The following LIME1 variants were observed in gnomAD, a reference collection of about 807,000 sequenced individuals.
LIME1 encodes the protein lck-interacting transmembrane adapter 1.
In LIME1, 23 loss-of-function variants were observed where a neutral mutation model predicts 18.8. That is an observed-to-expected ratio of 1.22 (90% CI 0.88 to 1.73). The LOEUF (loss-of-function observed/expected upper bound fraction) is 1.73, where lower values mean the gene tolerates loss of function less well. LIME1 is among the 40% of genes most tolerant of loss of function. The pLI is 0.00. For missense variants in LIME1, 423 were observed against 396.8 expected (o/e 1.07, Z -0.56); for synonymous variants, 177 against 182.3 (o/e 0.97, Z 0.23).
In LIME1 at chr20:63,738,505, G is replaced by A. The variant is rs748678885; in HGVS notation, c.585+6G>A. On this transcript the variant is annotated splice_donor_region_variant and intron_variant, in intron 5 of 5. Transcript: ENST00000309546. Reference sequence around the variant, plus strand: ...AGGTGACCCCGGCCGCTCAGGTAACGTGGGCCAGGGTAGGGCGCTGTGGGT... The same window carrying A: ...AGGTGACCCCGGCCGCTCAGGTAACATGGGCCAGGGTAGGGCGCTGTGGGT... 2 of 1,512,138 alleles carry A rather than the reference G, an allele frequency of 1.3e-6. No homozygotes were observed. The highest frequency in any genetic ancestry group is 4.6e-5 in the East Asian group (2 of 43,596). The allele number at this position is 1,512,138 out of a possible 1,614,324, so 93.7% of individuals were successfully genotyped here. A position where few individuals can be genotyped will look rare whatever the true frequency, so the allele number is the denominator to read the frequency against.
chr20:63,738,668 A>AC lies in LIME1; in HGVS notation c.660dup (p.Lys221GlnfsTer12), dbSNP rs1451201014. On this transcript the variant is annotated frameshift_variant, in exon 6 of 6. Coordinates refer to ENST00000309546, the MANE Select transcript of LIME1 (RefSeq NM_017806.4). LOFTEE classifies it low-confidence loss of function (END_TRUNC). Reference sequence around the variant, plus strand: ...CCAGGACCCACCACAGACCCGCTGGACCCCAAGGGCCAGGGAGCGATTCTG... The same window carrying AC: ...CCAGGACCCACCACAGACCCGCTGGACCCCCAAGGGCCAGGGAGCGATTCTG... The AC allele has an allele frequency of 6.2e-7, 1 of 1,612,008 alleles. No individual in the cohort carries two copies. The highest frequency in any genetic ancestry group is 1.1e-5 in the South Asian group (1 of 91,040).
intron 1 of LIME1, 45 bp downstream of exon 1, chr20:63,736,757 G>C: frequency 3.0e-6 from 3 of 985,784 alleles, no homozygotes; most frequent in Non-Finnish European, 3.6e-6. Flanking sequence ...GAGGCCTTGG[G>C]ATGTGGCTGC....
upstream of LIME1, chr20:63,736,237 G>A: frequency 3.0e-6 from 1 of 337,826 alleles, no homozygotes; most frequent in Non-Finnish European, 5.5e-6. Flanking sequence ...GGGCCTAGGA[G>A]GCCGGCATTC....
intron 3 of LIME1, 31 bp from the exon 4 acceptor site, chr20:63,737,942 C>T: frequency 6.3e-7 from 1 of 1,575,856 alleles, no homozygotes. Context: ...GTGGGGTCCG[C>T]AGGGCACCGA....
At chr20:63,736,602 C>T (rs926432750), upstream of LIME1, 8 of 986,328 alleles carry the variant, frequency 8.1e-6, no homozygotes, top group African/African-American at 1.7e-5. Context: ...TCAGGGGAGG[C>T]GCTTGGCGAC....
Position 63,737,970 on chromosome 20 carries a change from C to T in LIME1, c.181-3C>T, listed in dbSNP as rs779994944. ...GGCACCGACCAGCCTTCCTCGCCCCCAGTCCCTACTGAGGCGGACCCACCT... is the reference window on the plus strand; with the variant it reads ...GGCACCGACCAGCCTTCCTCGCCCCTAGTCCCTACTGAGGCGGACCCACCT... On this transcript the variant is annotated splice_polypyrimidine_tract_variant and splice_region_variant and intron_variant, in intron 3 of 5. Transcript: ENST00000309546. 27 of 1,571,570 alleles carry T rather than the reference C, an allele frequency of 1.7e-5. No individual in the cohort carries two copies. The highest frequency in any genetic ancestry group is 2.3e-5 in the Non-Finnish European group (27 of 1,160,774).
In LIME1 at chr20:63,737,805, C is replaced by CCCCCAA; in HGVS notation, c.99-16_99-15insCCCCAA. On this transcript the variant is annotated splice_polypyrimidine_tract_variant and intron_variant, in intron 2 of 5. Transcript: ENST00000309546. ...GCTGACGACCCCGCCCCCCGCCCCC[C>CCCCCAA]ACCTCTACCCCCAAGGCCCGAGGAC... 7.2e-7 allele frequency: 1 copy of CCCCCAA among 1,382,702 alleles called. No individual in the cohort carries two copies. The highest frequency in any genetic ancestry group is 9.6e-7 in the Non-Finnish European group (1 of 1,044,270). The allele number at this position is 1,382,702 out of a possible 1,614,324, so 85.7% of individuals were successfully genotyped here. A position where few individuals can be genotyped will look rare whatever the true frequency, so the allele number is the denominator to read the frequency against.
At position 63,738,198 on chromosome 20, in the gene LIME1, G is replaced by T; in HGVS notation, c.284G>T (p.Ser95Ile). 6.3e-7 allele frequency: 1 copy of T among 1,582,454 alleles called. No individual in the cohort carries two copies. The change falls in exon 5 of 6, where the codon AGC (serine) becomes ATC (isoleucine). Residue 95 changes from serine to isoleucine, a missense_variant. Ser to Ile is a moderately radical substitution (Grantham distance 142). Transcript: ENST00000309546. Reference sequence around the variant, plus strand: ...CCACCCCCAGCCCTGCGGCCTGCCAGCATGGATCTCCTGCGCCCACACTGG... The same window carrying T: ...CCACCCCCAGCCCTGCGGCCTGCCATCATGGATCTCCTGCGCCCACACTGG... ...PRSSRALRPASMDLLRPHWLE... is the reference protein window; with the variant it reads ...PRSSRALRPAIMDLLRPHWLE...
chr20:63,738,077 G>GCGGGGA lies in LIME1; in HGVS notation c.268+22_268+23insACGGGG. On this transcript the variant is annotated intron_variant, in intron 4 of 5. Coordinates refer to ENST00000309546, the MANE Select transcript of LIME1 (RefSeq NM_017806.4). The stretch of plus-strand genomic sequence containing the variant: ...GCAGCAGGGGTGAGCAGAGGGCGGG[G>GCGGGGA]CGGGGGCGGCCGGGCGGGGCTTACT... The GCGGGGA allele has an allele frequency of 5.9e-6, 9 of 1,525,024 alleles. No homozygotes were observed. Among genetic ancestry groups the GCGGGGA allele is most frequent in the East Asian group, 2.4e-5 (1 of 40,930 alleles). 94.5% of individuals were successfully genotyped at this position (1,525,024 alleles called of 1,614,324 possible). A position where few individuals can be genotyped will look rare whatever the true frequency, so the allele number is the denominator to read the frequency against.
rs774269451 is a variant in LIME1, at chr20:63,738,038, C to T, written c.246C>T (p.His82=). 6.4e-7 allele frequency: 1 copy of T among 1,554,828 alleles called. No homozygotes were observed. Among genetic ancestry groups the T allele is most frequent in the South Asian group, 1.2e-5 (1 of 85,604 alleles). ...SKSDTRLHEL[H]RGPRSSRALR... ...CGGACACCAGACTGCACGAGCTGCA[C>T]CGGGGCCCGCGCAGCAGCAGGGGTG... The change falls in exon 4 of 6, where the codon CAC becomes CAT. Residue 82 remains histidine (H), a synonymous_variant. Coordinates refer to ENST00000309546, the MANE Select transcript of LIME1 (RefSeq NM_017806.4).
At chr20:63,737,392 G>GTAT in intron 1 of LIME1, 141 bp from the exon 2 acceptor site, 2 of 1,352,040 alleles carry the variant, frequency 1.5e-6, no homozygotes, top group Admixed American at 3.7e-5. Context: ...GGACTGCCAG[G>GTAT]CCTTGGGGCT....
chr20:63,737,705 A>G (rs1221339880), intron 2 of LIME1, 58 bp downstream of exon 2: 1 of 1,477,982 alleles, frequency 6.8e-7, no homozygotes, highest in African/African-American at 1.4e-5. Flanking sequence ...TTCACAGCCC[A>G]GCGCGGGAAG....
chr20:63,736,975 G>A (rs1052349028), intron 1 of LIME1: 3 of 985,722 alleles, frequency 3.0e-6, no homozygotes, highest in Non-Finnish European at 3.6e-6. Context: ...GACAAGAAGA[G>A]CCAGAGAGAA....
In LIME1 at chr20:63,737,416, CAG is replaced by C. The variant is rs2092002644; in HGVS notation, c.-17-114_-17-113del. ...GGCCTTGGGGCTTCCTGTGCTGAGT[CAG>C]AGCTGGAACGGGAGACGCAGGAGCC... On this transcript the variant is annotated intron_variant, in intron 1 of 5. Transcript: ENST00000309546. 3.6e-6 allele frequency: 5 copies of C among 1,375,056 alleles called. No homozygotes were observed. The South Asian group carries it at 7.0e-5, about 19-fold the overall frequency. The allele number at this position is 1,375,056 out of a possible 1,614,324, so 85.2% of individuals were successfully genotyped here.
At position 63,739,018 on chromosome 20, in the gene LIME1, G is replaced by C. The variant is rs549424555; in HGVS notation, c.*118G>C. On this transcript the variant is annotated 3_prime_UTR_variant, in exon 6 of 6. Transcript: ENST00000309546. Reference sequence around the variant, plus strand: ...GGCTGCCAGCCCGTGAGGTCCGTGAGGTCCTGGCCGCTCTGACAGCCGCGG... The same window carrying C: ...GGCTGCCAGCCCGTGAGGTCCGTGACGTCCTGGCCGCTCTGACAGCCGCGG... 1.2e-5 allele frequency: 11 copies of C among 925,856 alleles called. No individual in the cohort carries two copies. Among genetic ancestry groups the C allele is most frequent in the Non-Finnish European group, 1.7e-5 (11 of 641,228 alleles). 57.4% of individuals were successfully genotyped at this position (925,856 alleles called of 1,614,324 possible). A position where few individuals can be genotyped will look rare whatever the true frequency, so the allele number is the denominator to read the frequency against.
intron 2 of LIME1, 65 bp downstream of exon 2, chr20:63,737,712 G>A (rs1032148973): frequency 4.1e-6 from 6 of 1,466,486 alleles, no homozygotes; most frequent in Non-Finnish European, 5.4e-6. Context: ...CCCAGCGCGG[G>A]AAGGGGCTGG....
At position 63,739,084 on chromosome 20, in the gene LIME1, G is replaced by A. The variant is rs2092026360; in HGVS notation, c.*184G>A. ...GAGAAGGCCCGCGTCTAAATAAAGC[G>A]CCAGCGCAGGATGAAAGCGGCCAGC... On this transcript the variant is annotated 3_prime_UTR_variant, in exon 6 of 6. Transcript: ENST00000309546. 1 of 552,352 alleles carries A rather than the reference G, an allele frequency of 1.8e-6. No homozygotes were observed. Among genetic ancestry groups the A allele is most frequent in the Non-Finnish European group, 3.1e-6 (1 of 320,448 alleles). 34.2% of individuals were successfully genotyped at this position (552,352 alleles called of 1,614,324 possible).
In LIME1 at chr20:63,737,892, C is replaced by T; in HGVS notation, c.170C>T (p.Ala57Val). The change falls in exon 3 of 6, where the codon GCG becomes GTG. Residue 57 changes from alanine (A) to valine (V), a missense_variant. Physicochemically the swap from Ala to Val is moderately conservative, Grantham distance 64. Transcript: ENST00000309546. ...GCGAGGCTGCAGGGCAGTGCGACGGCGGCGGAAGCGGTGAGTGCCAGGCTG... is the reference window on the plus strand; with the variant it reads ...GCGAGGCTGCAGGGCAGTGCGACGGTGGCGGAAGCGGTGAGTGCCAGGCTG... ...QRARLQGSAT[A>V]AEASLLRRTH... 4.4e-6 allele frequency: 7 copies of T among 1,579,598 alleles called. No homozygotes were observed. The highest frequency in any genetic ancestry group is 6.0e-6 in the Non-Finnish European group (7 of 1,167,506).
chr20:63,736,090 T>G (rs1389361008), upstream of LIME1: 1 of 893,556 alleles, frequency 1.1e-6, no homozygotes, highest in Middle Eastern at 2.6e-4. Flanking sequence ...CACCTGCCAG[T>G]GTCTTGGGCA....
Sources: gnomAD v4.1 joint callset for allele counts on GRCh38, gnomAD v4.1.1 for gene constraint, MANE v1.5 for transcripts, NCBI Gene and HGNC (gene_info 2026-07-23, HGNC 2026-07-21) for gene names.